Variants in TTYH3 observed in about 807,000 individuals in gnomAD.
The protein encoded by TTYH3 is protein tweety homolog 3.
In TTYH3, 23 loss-of-function variants were observed where a neutral mutation model predicts 68.2. The observed-to-expected ratio is 0.34, with a 90% confidence interval of 0.24 to 0.48. The LOEUF (loss-of-function observed/expected upper bound fraction) is 0.48. Ranked by LOEUF, TTYH3 falls within the 20% of genes least tolerant of loss-of-function variation. TTYH3 has a pLI of 0.99. For synonymous variants in TTYH3, 360 were observed against 332.8 expected, an observed-to-expected ratio of 1.08 and a Z score of -0.89; for missense variants, 768 against 727.7, an observed-to-expected ratio of 1.06 and a Z score of -0.64.
At chr7:2,657,210 G>T (rs1331212954) in intron 11 of TTYH3, among the ~76,000 whole-genome samples, 1 of 152,222 alleles carries the variant, frequency 6.6e-6, no homozygotes, top group Non-Finnish European at 1.5e-5. Flanking sequence ...GCTGCTTGGT[G>T]GCCCAATATG....
chr7:2,659,379 G>A (rs532733517), intron 13 of TTYH3, among the ~76,000 whole-genome samples: 331 of 152,332 alleles, frequency 2.2e-3, no homozygotes, highest in Middle Eastern at 6.8e-3. Flanking sequence ...CCAGCTTGTA[G>A]GCACGGCCCT....
intron 13 of TTYH3, 119 bp from the exon 14 acceptor site, chr7:2,661,549 C>A: frequency 1.0e-6 from 1 of 1,004,532 alleles, no homozygotes. Context: ...GCACCCTGTA[C>A]TGTCCCATTC....
intron 1 of TTYH3, among the ~76,000 whole-genome samples, chr7:2,642,290 C>T (rs968601618): frequency 6.6e-6 from 1 of 152,030 alleles, no homozygotes; most frequent in South Asian, 2.1e-4. Context: ...GCCTGTAATC[C>T]CAGCACTTTG....
chr7:2,648,104 G>A, intron 5 of TTYH3, 50 bp downstream of exon 5: 1 of 1,551,234 alleles, frequency 6.4e-7, no homozygotes, highest in Non-Finnish European at 8.8e-7. Flanking sequence ...GAGGGGCAGG[G>A]CAAGGCACCA....
At chr7:2,652,770 A>G (rs1786220866) in intron 8 of TTYH3, 148 bp from the exon 9 acceptor site, 1 of 647,502 alleles carries the variant, frequency 1.5e-6, no homozygotes, top group Admixed American at 2.8e-5. Context: ...AAGCAAGGGC[A>G]GGGAGTGCCC....
rs575717117 is a variant in TTYH3 at position 2,658,877 on chromosome 7, C to T, written c.1425-63C>T. 4.2e-5 allele frequency: 65 copies of T among 1,543,256 alleles called. No individual in the cohort carries two copies. In the Admixed American group the frequency reaches 4.4e-4, roughly 10 times the overall value. ...ACAGCGGGCCTACCCATGGGCCCCCCGACCTGCAGCTGGGACTGCATGGCC... is the reference window on the plus strand; with the variant it reads ...ACAGCGGGCCTACCCATGGGCCCCCTGACCTGCAGCTGGGACTGCATGGCC... On this transcript the variant is annotated intron_variant, in intron 12 of 13. Transcript: ENST00000258796.
At chr7:2,654,774 CT>C (rs927718722) in intron 9 of TTYH3, among the ~76,000 whole-genome samples, 45 of 152,258 alleles carry the variant, frequency 3.0e-4, no homozygotes, top group African/African-American at 1.1e-3. Flanking sequence ...ATCTCCTCTT[CT>C]TTTTTATTTT....
chr7:2,638,021 G>T (rs1008356717), intron 1 of TTYH3, among the ~76,000 whole-genome samples: 1 of 152,196 alleles, frequency 6.6e-6, no homozygotes, highest in Non-Finnish European at 1.5e-5. Context: ...GCCTGTGCAC[G>T]CTGGCTGGGT....
Position 2,661,672 on chromosome 7 carries a change from C to G in TTYH3, c.1505C>G (p.Thr502Ser). 1 of 1,612,428 alleles carries G rather than the reference C, an allele frequency of 6.2e-7. No homozygotes were observed. Among genetic ancestry groups the G allele is most frequent in the Non-Finnish European group, 8.5e-7 (1 of 1,179,540 alleles). ...CTCCCCCTTGTCTCCCTCCAGTACA[C>G]CTCCAGCATGAGAGCCAAATACCTC... is the stretch of plus-strand genomic sequence containing the variant. Reference protein sequence around the residue: ...IGRESPPPSYTSSMRAKYLAT... With the variant: ...IGRESPPPSYSSSMRAKYLAT... Residue 502 changes from threonine (T) to serine (S), a missense_variant, in exon 14 of 14, where the codon ACC becomes AGC. Physicochemically the swap from Thr to Ser is moderately conservative, Grantham distance 58. Coordinates refer to ENST00000258796, the MANE Select transcript of TTYH3 (RefSeq NM_025250.3).
At chr7:2,660,460 C>T (rs1389116831) in intron 13 of TTYH3, 19 of 985,310 alleles carry the variant, frequency 1.9e-5, no homozygotes, top group Admixed American at 1.8e-4. Context: ...AGGCACGTGC[C>T]GGCGAGCACG....
intron 1 of TTYH3, among the ~76,000 whole-genome samples, chr7:2,641,123 C>G (rs1001593330): frequency 2.0e-5 from 3 of 152,210 alleles, no homozygotes; most frequent in African/African-American, 7.2e-5. Flanking sequence ...CCTGCCCGCT[C>G]CTCACCAGCC....
intron 8 of TTYH3, 65 bp downstream of exon 8, chr7:2,652,307 G>C (rs1246780726): frequency 1.4e-6 from 2 of 1,439,200 alleles, no homozygotes; most frequent in Non-Finnish European, 1.9e-6. Context: ...GTGTGTGGAG[G>C]GGCCCAGCAG....
At chr7:2,634,298 T>A (rs1311261514) in intron 1 of TTYH3, among the ~76,000 whole-genome samples, 1 of 152,094 alleles carries the variant, frequency 6.6e-6, no homozygotes, top group East Asian at 1.9e-4. Context: ...TCATCCTGAA[T>A]CTGGGCTGGC....
At position 2,661,869 on chromosome 7, in the gene TTYH3, C is replaced by G; in HGVS notation, c.*130C>G. 1 of 1,008,622 alleles carries G rather than the reference C, an allele frequency of 9.9e-7. No individual in the cohort carries two copies. Among genetic ancestry groups the G allele is most frequent in the South Asian group, 1.5e-5 (1 of 67,426 alleles). The allele number at this position is 1,008,622 out of a possible 1,614,324, so 62.5% of individuals were successfully genotyped here. On this transcript the variant is annotated 3_prime_UTR_variant, in exon 14 of 14. Coordinates refer to ENST00000258796, the MANE Select transcript of TTYH3 (RefSeq NM_025250.3). Reference sequence around the variant, plus strand: ...GCCTGCCCCAGACGCGTCTGCAGGCCGCTTGCCCTCCTGTCCCCTCCCCGC... The same window carrying G: ...GCCTGCCCCAGACGCGTCTGCAGGCGGCTTGCCCTCCTGTCCCCTCCCCGC...
At position 2,652,177 on chromosome 7, in the gene TTYH3, C is replaced by G. The variant is rs1173358665; in HGVS notation, c.872-10C>G. On this transcript the variant is annotated splice_polypyrimidine_tract_variant and intron_variant, in intron 7 of 13. Transcript: ENST00000258796. ...GTTGCAGCTCAGCCTTCCCTGATGT[C>G]TCTCCGCAGACATCCTGCAGTACTA... 2 of 1,613,176 alleles carry G rather than the reference C, an allele frequency of 1.2e-6. No homozygotes were observed. The highest frequency in any genetic ancestry group is 1.7e-6 in the Non-Finnish European group (2 of 1,179,878).
Position 2,658,363 on chromosome 7 carries a change from T to C in TTYH3, c.1328T>C (p.Met443Thr). 6.2e-7 allele frequency: 1 copy of C among 1,611,376 alleles called. No homozygotes were observed. Among genetic ancestry groups the C allele is most frequent in the South Asian group, 1.1e-5 (1 of 90,872 alleles). ...CACGACAGCCTCTACCGCGTCCACA[T>C]GCCCAGCCTGTACAGCTGTGGCAGC... The part of the protein sequence containing the change: ...QAHDSLYRVH[M>T]PSLYSCGSSY... The change falls in exon 12 of 14, where the codon ATG becomes ACG. Residue 443 changes from methionine to threonine, a missense_variant. Transcript: ENST00000258796.
intron 7 of TTYH3, among the ~76,000 whole-genome samples, chr7:2,650,933 G>GA (rs1786157676): frequency 6.6e-6 from 1 of 151,846 alleles, no homozygotes; most frequent in Non-Finnish European, 1.5e-5. Context: ...TGTAGGGAGC[G>GA]AGAGGGACGG....
intron 1 of TTYH3, among the ~76,000 whole-genome samples, chr7:2,633,694 G>A (rs1354180768): frequency 1.3e-5 from 2 of 152,242 alleles, no homozygotes; most frequent in Non-Finnish European, 2.9e-5. Context: ...TGCAAGGAGG[G>A]TGTGCTTCAC....
intron 8 of TTYH3, 45 bp from the exon 9 acceptor site, chr7:2,652,873 G>A: frequency 6.8e-7 from 1 of 1,474,280 alleles, no homozygotes; most frequent in Non-Finnish European, 9.1e-7. Flanking sequence ...GGAGAGGCGG[G>A]CGGACCCAGC....
Sources: allele counts gnomAD v4.1 joint callset (sites outside exome capture counted in the v4.1 genomes callset), GRCh38; gene constraint gnomAD v4.1.1; transcripts MANE v1.5; gene names NCBI Gene and HGNC (gene_info 2026-07-23, HGNC 2026-07-21).